EMP1: variants seen among roughly 807,000 people sequenced by gnomAD.
The protein encoded by EMP1 is epithelial membrane protein 1.
A neutral mutation model predicts 15.7 loss-of-function variants in EMP1; 5 were observed. The observed-to-expected ratio is 0.32, with a 90% CI of 0.17 to 0.67. The LOEUF is 0.67. EMP1 is among the 30% of genes least tolerant of loss of function. The pLI is 0.74. For synonymous variants in EMP1, 78 were observed against 76.7 expected, an observed-to-expected ratio of 1.02 and a Z score of -0.09; for missense variants, 166 against 194.2, an observed-to-expected ratio of 0.85 and a Z score of 0.86.
At chr12:13,201,413 A>G (rs541883176) in intron 1 of EMP1, among the ~76,000 whole-genome samples, 86 of 152,274 alleles carry the variant, frequency 5.6e-4, no homozygotes, top group Non-Finnish European at 9.3e-4. Context: ...GTCTCAAAAA[A>G]AACAAAAACA....
chr12:13,204,430 G>C (rs985723093), intron 1 of EMP1, among the ~76,000 whole-genome samples: 9 of 152,158 alleles, frequency 5.9e-5, no homozygotes, highest in African/African-American at 2.2e-4. Flanking sequence ...CCCCCAGAAG[G>C]GAGTGCTTCC....
chr12:13,214,488 C>A (rs1213328377), intron 4 of EMP1, 46 bp from the exon 5 acceptor site: 2 of 1,594,154 alleles, frequency 1.3e-6, no homozygotes, highest in South Asian at 2.3e-5. Context: ...TTTTTCTCGA[C>A]TTTAATGTAA....
At chr12:13,212,313 C>T (rs1383659385) in intron 2 of EMP1, among the ~76,000 whole-genome samples, 2 of 152,160 alleles carry the variant, frequency 1.3e-5, no homozygotes, top group Non-Finnish European at 2.9e-5. Flanking sequence ...TTGTGCTTTT[C>T]TCAGAAAAAA....
intron 1 of EMP1, among the ~76,000 whole-genome samples, chr12:13,210,485 G>A (rs1260744332): frequency 6.6e-6 from 1 of 152,124 alleles, no homozygotes; most frequent in Admixed American, 6.5e-5. Flanking sequence ...ATGATCAATG[G>A]GCTCCCTTCT....
Position 13,211,341 on chromosome 12 carries a change from G to A in EMP1, c.-42-128G>A. On this transcript the variant is annotated intron_variant, in intron 1 of 4. Transcript: ENST00000256951. This position sits in a 1 kb window ranked among gnomAD's most constrained non-coding sequence, Gnocchi z 4.7. ...TACAGGGGTGTTTTCAGGAATTTAT[G>A]ATTAGATTGTGATGGTTTTTAGTGC... 1 of 691,522 alleles carries A rather than the reference G, an allele frequency of 1.4e-6. No individual in the cohort carries two copies. The highest frequency in any genetic ancestry group is 2.5e-6 in the Non-Finnish European group (1 of 399,326). The allele number at this position is 691,522 out of a possible 1,614,324, so 42.8% of individuals were successfully genotyped here. A position where few individuals can be genotyped will look rare whatever the true frequency, so the allele number is the denominator to read the frequency against.
rs1467806483 is a variant in EMP1, at chr12:13,219,343, G to A, written c.*4652G>A. 2 of 152,134 alleles carry A rather than the reference G, an allele frequency of 1.3e-5. No homozygotes were observed. Among genetic ancestry groups the A allele is most frequent in the Non-Finnish European group, 1.5e-5 (1 of 68,068 alleles). 9.4% of individuals were successfully genotyped at this position (152,134 alleles called of 1,614,324 possible). On this transcript the variant is annotated 3_prime_UTR_variant, in exon 5 of 5. Transcript: ENST00000256951. ...CCCAATAAGTTCCTCATCTCCTTCT[G>A]AGACCACCTCAGTGTGGACTTAATC... is the stretch of plus-strand genomic sequence containing the variant.
At position 13,214,782 on chromosome 12, in the gene EMP1, G is replaced by A; in HGVS notation, c.*91G>A. 6.4e-6 allele frequency: 1 copy of A among 156,848 alleles called. No individual in the cohort carries two copies. Among genetic ancestry groups the A allele is most frequent in the South Asian group, 2.2e-4 (1 of 4,620 alleles). 9.7% of individuals were successfully genotyped at this position (156,848 alleles called of 1,614,324 possible). On this transcript the variant is annotated 3_prime_UTR_variant, in exon 5 of 5. Coordinates refer to ENST00000256951, the MANE Select transcript of EMP1 (RefSeq NM_001423.3). Reference sequence around the variant, plus strand: ...TGGAGGTTGCTGTACAGGAAAAACCGAGATAGGGGAGGGGGGAGGGGGAAG... The same window carrying A: ...TGGAGGTTGCTGTACAGGAAAAACCAAGATAGGGGAGGGGGGAGGGGGAAG...
intron 1 of EMP1, among the ~76,000 whole-genome samples, chr12:13,207,479 T>A (rs1336225624): frequency 6.6e-6 from 1 of 152,128 alleles, no homozygotes; most frequent in Non-Finnish European, 1.5e-5. Context: ...GTCTGGGCAA[T>A]GCAGAAAGAA....
intron 1 of EMP1, among the ~76,000 whole-genome samples, chr12:13,201,852 C>G (rs1467674666): frequency 1.3e-5 from 2 of 152,304 alleles, no homozygotes; most frequent in African/African-American, 4.8e-5. Context: ...CAGGGAGAAA[C>G]TGAGCTGGCT....
rs541673675 is a variant in EMP1, at chr12:13,211,727, C to T, written c.78+139C>T. 46 of 849,758 alleles carry T rather than the reference C, an allele frequency of 5.4e-5. No homozygotes were observed. The highest frequency in any genetic ancestry group is 6.2e-5 in the South Asian group (4 of 64,052). The allele number at this position is 849,758 out of a possible 1,614,324, so 52.6% of individuals were successfully genotyped here. On this transcript the variant is annotated intron_variant, in intron 2 of 4. Transcript: ENST00000256951. This position sits in a 1 kb window ranked among gnomAD's most constrained non-coding sequence, Gnocchi z 4.7. The stretch of plus-strand genomic sequence containing the variant: ...GTTGTGGGAAAACAAAATAAACACA[C>T]GCTTGCCCTTCAAACAATTAAATAA...
intron 4 of EMP1, 94 bp from the exon 5 acceptor site, chr12:13,214,440 T>G (rs1287754594): frequency 1.3e-6 from 2 of 1,515,118 alleles, no homozygotes; most frequent in African/African-American, 2.8e-5. Flanking sequence ...TTCCTATTGC[T>G]AATGAGGGAA....
intron 1 of EMP1, among the ~76,000 whole-genome samples, chr12:13,202,586 A>G (rs550608293): frequency 6.6e-6 from 1 of 152,116 alleles, no homozygotes; most frequent in South Asian, 2.1e-4. Context: ...GATAGTCTCC[A>G]TGTCTGGGTG....
At chr12:13,197,926 G>A (rs1864029072) in intron 1 of EMP1, among the ~76,000 whole-genome samples, 1 of 152,172 alleles carries the variant, frequency 6.6e-6, no homozygotes, top group Non-Finnish European at 1.5e-5. Flanking sequence ...CCTTCTCTTG[G>A]CCAGATGTGG....
intron 1 of EMP1, among the ~76,000 whole-genome samples, chr12:13,197,089 G>A (rs1479815130): frequency 2.0e-5 from 3 of 152,218 alleles, no homozygotes; most frequent in African/African-American, 7.2e-5. Context: ...TTTTGAGGAC[G>A]GAGTCTGGGG....
At chr12:13,198,881 T>G (rs984506672) in intron 1 of EMP1, among the ~76,000 whole-genome samples, 1 of 151,978 alleles carries the variant, frequency 6.6e-6, no homozygotes, top group Non-Finnish European at 1.5e-5. Flanking sequence ...AGTGAAAGAG[T>G]CCCTTAGCTG....
chr12:13,214,470 A>G, intron 4 of EMP1, 64 bp from the exon 5 acceptor site: 1 of 1,580,112 alleles, frequency 6.3e-7, no homozygotes, highest in Non-Finnish European at 8.6e-7. Context: ...TCTTAAAATT[A>G]GTAAAACTTT....
chr12:13,199,698 C>T (rs960071231), intron 1 of EMP1, among the ~76,000 whole-genome samples: 1 of 152,146 alleles, frequency 6.6e-6, no homozygotes, highest in Non-Finnish European at 1.5e-5. Context: ...GCGGGGAGCT[C>T]AGAACCTCAG....
rs371889732 is a variant in EMP1 at position 13,214,509 on chromosome 12, C to T, written c.317-25C>T. The stretch of plus-strand genomic sequence containing the variant: ...TCGACTTTAATGTAAGAAAACACAC[C>T]GACAAATCTCCTTTTCCCCTGCAGG... On this transcript the variant is annotated intron_variant, in intron 4 of 4. Coordinates refer to ENST00000256951, the MANE Select transcript of EMP1 (RefSeq NM_001423.3). 1,673 of 1,603,782 alleles carry T rather than the reference C, an allele frequency of 1.0e-3. 3 individuals are homozygous for T. Among genetic ancestry groups the T allele is most frequent in the Non-Finnish European group, 1.2e-3 (1,400 of 1,173,224 alleles).
At chr12:13,210,933 T>C (rs1288456932) in intron 1 of EMP1, among the ~76,000 whole-genome samples, 1 of 152,262 alleles carries the variant, frequency 6.6e-6, no homozygotes, top group Admixed American at 6.5e-5. Context: ...CCCAGGATCA[T>C]ATTAGTAGCC....
Sources: gnomAD v4.1 joint callset for allele counts (sites outside exome capture counted in the v4.1 genomes callset) on GRCh38, gnomAD v4.1.1 for gene constraint, Gnocchi (gnomAD v3.1) non-coding constraint, MANE v1.5 for transcripts, NCBI Gene and HGNC (gene_info 2026-07-23, HGNC 2026-07-21) for gene names.